The following RPS6KL1 variants were observed in gnomAD, a reference collection of about 807,000 sequenced individuals.
RPS6KL1 encodes the protein ribosomal protein S6 kinase-like 1.
A neutral mutation model predicts 57.0 loss-of-function variants in RPS6KL1; 41 were observed. The ratio of observed to expected loss-of-function variants is 0.72; its 90% CI spans 0.56 to 0.93. The LOEUF (loss-of-function observed/expected upper bound fraction) is 0.93, where lower values mean the gene tolerates loss of function less well. RPS6KL1 is among the 40% of genes least tolerant of loss of function. The pLI is 0.00. For synonymous variants in RPS6KL1, 287 were observed against 309.7 expected, an observed-to-expected ratio of 0.93 and a Z score of 0.77; for missense variants, 697 against 727.7, an observed-to-expected ratio of 0.96 and a Z score of 0.49.
At position 74,904,900 on chromosome 14, in the gene RPS6KL1, T is replaced by TTG. The variant is rs1456416642; in HGVS notation, c.*2113_*2114insCA. ...TCCAGGCTTAAACACAGCCTTGTCT[T>TTG]TTCCAGAGTCCCTGTCTGCTGAGCT... On this transcript the variant is annotated 3_prime_UTR_variant, in exon 12 of 12. Transcript: ENST00000557413. 1 of 152,174 alleles carries TTG rather than the reference T, an allele frequency of 6.6e-6. No individual in the cohort carries two copies. 9.4% of individuals were successfully genotyped at this position (152,174 alleles called of 1,614,324 possible).
rs548512034 is a variant in RPS6KL1, at chr14:74,921,153, A to G, written c.265+124T>C. On this transcript the variant is annotated intron_variant, in intron 3 of 11. Coordinates refer to ENST00000557413, the MANE Select transcript of RPS6KL1 (RefSeq NM_031464.5). ...TCATTGTCTTTTATGGAGGCCCTGCAGGCCAGCATAGTGCCGTGCTCACTC... is the reference window on the plus strand; with the variant it reads ...TCATTGTCTTTTATGGAGGCCCTGCGGGCCAGCATAGTGCCGTGCTCACTC... 1.1e-5 allele frequency: 9 copies of G among 814,272 alleles called. No individual in the cohort carries two copies. The Admixed American group carries it at 1.2e-4, about 11-fold the overall frequency. 50.4% of individuals were successfully genotyped at this position (814,272 alleles called of 1,614,324 possible). A position where few individuals can be genotyped will look rare whatever the true frequency, so the allele number is the denominator to read the frequency against.
chr14:74,910,257 C>T lies in RPS6KL1; in HGVS notation c.665-109G>A, dbSNP rs775003544. On this transcript the variant is annotated intron_variant, in intron 7 of 11. Transcript: ENST00000557413. ...CCTTCTGTCTTGGGCGCAGACTTTC[C>T]GCCTCTGGGTGTCCTGGCCTAGTTC... The T allele has an allele frequency of 2.3e-5, 30 of 1,310,522 alleles. 1 individual carries two copies. The South Asian group carries it at 3.3e-4, about 14-fold the overall frequency. 81.2% of individuals were successfully genotyped at this position (1,310,522 alleles called of 1,614,324 possible). A position where few individuals can be genotyped will look rare whatever the true frequency, so the allele number is the denominator to read the frequency against.
chr14:74,908,099 C>G (rs944064329), intron 10 of RPS6KL1, among the ~76,000 whole-genome samples: 1 of 152,092 alleles, frequency 6.6e-6, no homozygotes, highest in African/African-American at 2.4e-5. Flanking sequence ...GAGAGCCACT[C>G]TGGGGGAAAT....
In RPS6KL1 at chr14:74,921,271, C is replaced by T; in HGVS notation, c.265+6G>A. ...CACCCCAGCCCTGCCCAGCCCCGGT[C>T]CTCACCGTGTATGCCACGGAGCAGC... On this transcript the variant is annotated splice_donor_region_variant and intron_variant, in intron 3 of 11. Coordinates refer to ENST00000557413, the MANE Select transcript of RPS6KL1 (RefSeq NM_031464.5). 2.4e-6 allele frequency: 3 copies of T among 1,253,218 alleles called. No individual in the cohort carries two copies. The highest frequency in any genetic ancestry group is 3.5e-6 in the Non-Finnish European group (3 of 867,476). 77.6% of individuals were successfully genotyped at this position (1,253,218 alleles called of 1,614,324 possible).
intron 3 of RPS6KL1, 39 bp downstream of exon 3, chr14:74,921,238 T>TACCCCCCCCCCCCCCCCC: frequency 3.6e-6 from 3 of 840,182 alleles, no homozygotes; most frequent in Admixed American, 1.8e-5. Flanking sequence ...CACTGGCCCT[T>TACCCCCCCCCCCCCCCCC]CCCCACCCAC....
At chr14:74,915,232 T>A (rs938354573) in intron 5 of RPS6KL1, among the ~76,000 whole-genome samples, 1 of 152,230 alleles carries the variant, frequency 6.6e-6, no homozygotes, top group Non-Finnish European at 1.5e-5. Context: ...CAGAGGCTTA[T>A]GTGCCTAGTG....
At chr14:74,922,857 C>T (rs1394830519) in intron 1 of RPS6KL1, among the ~76,000 whole-genome samples, 3 of 152,204 alleles carry the variant, frequency 2.0e-5, no homozygotes, top group African/African-American at 7.2e-5. Flanking sequence ...AGACCCACAG[C>T]CTCAGCCGGC....
Position 74,905,952 on chromosome 14 carries a change from A to T in RPS6KL1, c.*1062T>A, listed in dbSNP as rs1048107588. On this transcript the variant is annotated 3_prime_UTR_variant, in exon 12 of 12. Coordinates refer to ENST00000557413, the MANE Select transcript of RPS6KL1 (RefSeq NM_031464.5). The stretch of plus-strand genomic sequence containing the variant: ...GTCCCACGCCCCGGTGACAGGGTGA[A>T]CCCTGAGAGGAGCCCCCAAACTGGA... The T allele has an allele frequency of 6.5e-6, 1 of 154,382 alleles. No homozygotes were observed. The highest frequency in any genetic ancestry group is 1.4e-5 in the Non-Finnish European group (1 of 69,362). 9.6% of individuals were successfully genotyped at this position (154,382 alleles called of 1,614,324 possible).
At chr14:74,917,996 G>A (rs1055406550) in intron 5 of RPS6KL1, among the ~76,000 whole-genome samples, 1 of 152,188 alleles carries the variant, frequency 6.6e-6, no homozygotes, top group Non-Finnish European at 1.5e-5. Context: ...ATAGCTCCTC[G>A]CTCCTCCTGC....
At chr14:74,911,897 G>A in intron 5 of RPS6KL1, 56 bp from the exon 6 acceptor site, 1 of 1,471,520 alleles carries the variant, frequency 6.8e-7, no homozygotes, top group Non-Finnish European at 9.3e-7. Flanking sequence ...GGGGCTCCGT[G>A]ACCCCAGCCT....
In RPS6KL1 at chr14:74,906,329, TTAC is replaced by T. The variant is rs1481461250; in HGVS notation, c.*682_*684del. The T allele has an allele frequency of 5.8e-6, 2 of 346,772 alleles. No individual in the cohort carries two copies. The highest frequency in any genetic ancestry group is 4.4e-5 in the African/African-American group (2 of 45,462). The allele number at this position is 346,772 out of a possible 1,614,324, so 21.5% of individuals were successfully genotyped here. A position where few individuals can be genotyped will look rare whatever the true frequency, so the allele number is the denominator to read the frequency against. ...ACCCATGCATTCCTTCCTCCCCCCA[TTAC>T]TCTTATTTTCTTCCCCTCCCTTTTG... is the stretch of plus-strand genomic sequence containing the variant. On this transcript the variant is annotated 3_prime_UTR_variant, in exon 12 of 12. Transcript: ENST00000557413.
rs1555378989 is a variant in RPS6KL1, at chr14:74,919,827, T to TCG, written c.390+17_390+18insCG. ...CCCTCCTCCCGCTCAGGCCTTTGGG[T>TCG]GGGGGGGGTCTCCTCACCGCGCTGG... On this transcript the variant is annotated intron_variant, in intron 4 of 11. Transcript: ENST00000557413. 12 of 1,587,288 alleles carry TCG rather than the reference T, an allele frequency of 7.6e-6. No homozygotes were observed. Among genetic ancestry groups the TCG allele is most frequent in the Middle Eastern group, 2.0e-4 (1 of 4,892 alleles).
At chr14:74,907,886 A>G (rs1040726421) in intron 10 of RPS6KL1, among the ~76,000 whole-genome samples, 1 of 152,204 alleles carries the variant, frequency 6.6e-6, no homozygotes, top group Non-Finnish European at 1.5e-5. Flanking sequence ...CGGGCTGTTC[A>G]TTTGGCAGCA....
At position 74,911,317 on chromosome 14, in the gene RPS6KL1, A is replaced by G. The variant is rs781614144; in HGVS notation, c.595T>C (p.Tyr199His). ...RLTIIPHGVP[Y>H]MTKLLRYFVS... ...AAGTACCTGAGCAGCTTCGTCATGT[A>G]GGGGACTCCGTGTGGGATGATGGTC... Residue 199 changes from tyrosine (Y) to histidine (H), a missense_variant, in exon 7 of 12, where the codon TAC (tyrosine) becomes CAC (histidine). Tyr to His is a moderately conservative substitution (Grantham distance 83). Coordinates refer to ENST00000557413, the MANE Select transcript of RPS6KL1 (RefSeq NM_031464.5). 1 of 1,612,260 alleles carries G rather than the reference A, an allele frequency of 6.2e-7. No individual in the cohort carries two copies. Among genetic ancestry groups the G allele is most frequent in the Non-Finnish European group, 8.5e-7 (1 of 1,179,940 alleles).
chr14:74,920,000 A>G (rs1887560811), intron 3 of RPS6KL1, 31 bp from the exon 4 acceptor site: 2 of 1,613,820 alleles, frequency 1.2e-6, no homozygotes, highest in Non-Finnish European at 1.7e-6. Flanking sequence ...CAGGGTCCCC[A>G]GCCATGGCCT....
In RPS6KL1 at chr14:74,919,991, A is replaced by G. The variant is rs746568600; in HGVS notation, c.266-22T>C. On this transcript the variant is annotated intron_variant, in intron 3 of 11. Transcript: ENST00000557413. ...TCAACTGTGGGAGACAAGAGTCACC[A>G]GGGTCCCCAGCCATGGCCTCGGAGG... 4 of 1,613,822 alleles carry G rather than the reference A, an allele frequency of 2.5e-6. No homozygotes were observed. In the Admixed American group the frequency reaches 6.7e-5, roughly 27 times the overall value.
In RPS6KL1 at chr14:74,906,407, GGTGGGGGGGTGGGGGT is replaced by G. The variant is rs1884831035; in HGVS notation, c.*591_*606del. 3 of 295,738 alleles carry G rather than the reference GGTGGGGGGGTGGGGGT, an allele frequency of 1.0e-5. No individual in the cohort carries two copies. The highest frequency in any genetic ancestry group is 7.0e-5 in the South Asian group (3 of 42,700). 18.3% of individuals were successfully genotyped at this position (295,738 alleles called of 1,614,324 possible). On this transcript the variant is annotated 3_prime_UTR_variant, in exon 12 of 12. Coordinates refer to ENST00000557413, the MANE Select transcript of RPS6KL1 (RefSeq NM_031464.5). ...ATAGGGGGCATGGTCAGGAATCGGGGGTGGGGGGGTGGGGGTGGGGGTCATCCTGTCCCCTACCTCA... is the reference window on the plus strand; with the variant it reads ...ATAGGGGGCATGGTCAGGAATCGGGGGGGGGTCATCCTGTCCCCTACCTCA...
At position 74,904,024 on chromosome 14, in the gene RPS6KL1, G is replaced by T. The variant is rs1205047415; in HGVS notation, c.*2990C>A. 6.6e-6 allele frequency: 1 copy of T among 152,212 alleles called. No homozygotes were observed. Among genetic ancestry groups the T allele is most frequent in the Non-Finnish European group, 1.5e-5 (1 of 68,042 alleles). 9.4% of individuals were successfully genotyped at this position (152,212 alleles called of 1,614,324 possible). On this transcript the variant is annotated 3_prime_UTR_variant, in exon 12 of 12. Coordinates refer to ENST00000557413, the MANE Select transcript of RPS6KL1 (RefSeq NM_031464.5). ...ATGGCCTGTGATACAACTCTTAGGA[G>T]ATCCTGAGAACATGTGTCCAGGGTC...
chr14:74,921,354 C>T lies in RPS6KL1; in HGVS notation c.188G>A (p.Arg63His), dbSNP rs372803014. 2.5e-5 allele frequency: 41 copies of T among 1,614,146 alleles called. No homozygotes were observed. The highest frequency in any genetic ancestry group is 2.5e-4 in the African/African-American group (19 of 74,946). Residue 63 changes from arginine to histidine, a missense_variant, in exon 3 of 12, where the codon CGC (arginine) becomes CAC (histidine). By Grantham distance (29) the Arg-to-His change is conservative. Coordinates refer to ENST00000557413, the MANE Select transcript of RPS6KL1 (RefSeq NM_031464.5). ...AATQIRLALE[R>H]DVSEDYEAAF... ...CGCCTCATAGTCCTCACTAACATCG[C>T]GCTCCAGGGCCAGCCGGATCTGCGT...
Sources: gnomAD v4.1 joint callset for allele counts (sites outside exome capture counted in the v4.1 genomes callset) on GRCh38, gnomAD v4.1.1 for gene constraint, MANE v1.5 for transcripts, NCBI Gene and HGNC (gene_info 2026-07-23, HGNC 2026-07-21) for gene names.